SNX19: variants seen among roughly 807,000 people sequenced by gnomAD.
SNX19 encodes the protein sorting nexin 19.
Under a neutral mutation model 85.2 loss-of-function variants are expected in SNX19, and 60 were observed. The ratio of observed to expected loss-of-function variants is 0.70; its 90% confidence interval spans 0.57 to 0.87. The LOEUF is 0.87. Ranked by LOEUF, SNX19 falls within the 40% of genes least tolerant of loss-of-function variation. The pLI is 0.00. For synonymous variants in SNX19, 520 were observed against 470.0 expected, an observed-to-expected ratio of 1.11 and a Z score of -1.38; for missense variants, 1,201 against 1,217.8, an observed-to-expected ratio of 0.99 and a Z score of 0.21.
At chr11:130,880,090 C>T (rs1169481261) in intron 9 of SNX19, among the ~76,000 whole-genome samples, 1 of 152,210 alleles carries the variant, frequency 6.6e-6, no homozygotes, top group Non-Finnish European at 1.5e-5. Flanking sequence ...AAACTGCCTT[C>T]CTGGCCCTCT....
chr11:130,908,732 C>T (rs1210260779), intron 4 of SNX19, among the ~76,000 whole-genome samples: 1 of 152,220 alleles, frequency 6.6e-6, no homozygotes, highest in Non-Finnish European at 1.5e-5. Context: ...AAATAATCCT[C>T]ACTAAAGATT....
At chr11:130,884,810 T>G (rs775213227) in intron 8 of SNX19, among the ~76,000 whole-genome samples, 1 of 142,206 alleles carries the variant, frequency 7.0e-6, no homozygotes, top group Non-Finnish European at 1.5e-5. Flanking sequence ...AGGCAGAGGC[T>G]GCAGTGAGCC....
At position 130,880,630 on chromosome 11, in the gene SNX19, A is replaced by G; in HGVS notation, c.2750T>C (p.Val917Ala). The change falls in exon 9 of 11, where the codon GTC (valine) becomes GCC (alanine). Residue 917 changes from valine to alanine, a missense_variant. This residue lies in a region of SNX19 where 285 missense variants were observed against 295.3 expected (regional missense o/e 0.97). Transcript: ENST00000265909. ...EKQALQSLMG[V>A]LPDLVVEILG... The stretch of plus-strand genomic sequence containing the variant: ...CTCATTGGTCCAATTACCTGGGAGG[A>G]CTCCCATCAGGCTCTGCAAAGCCTG... 1.3e-6 allele frequency: 2 copies of G among 1,589,144 alleles called. No individual in the cohort carries two copies. Among genetic ancestry groups the G allele is most frequent in the Non-Finnish European group, 1.7e-6 (2 of 1,160,932 alleles).
intron 10 of SNX19, among the ~76,000 whole-genome samples, chr11:130,878,951 C>T (rs1943451299): frequency 6.6e-6 from 1 of 152,158 alleles, no homozygotes; most frequent in Non-Finnish European, 1.5e-5. Context: ...TGAGGTAAAG[C>T]CAGGATCCTT....
chr11:130,906,766 T>C (rs1003824370), intron 5 of SNX19, 45 bp from the exon 6 acceptor site: 14 of 1,357,586 alleles, frequency 1.0e-5, no homozygotes, highest in Middle Eastern at 1.8e-4. Context: ...ATTTATGGCC[T>C]TGAGCCTCAC....
At chr11:130,910,177 C>T (rs1222163196) in intron 3 of SNX19, 40 bp from the exon 4 acceptor site, 1 of 1,613,944 alleles carries the variant, frequency 6.2e-7, no homozygotes, top group Admixed American at 1.7e-5. Flanking sequence ...AAGAGAAATT[C>T]CAGTCCCCAA....
chr11:130,872,284 G>A lies in SNX19; in HGVS notation c.*6138C>T, dbSNP rs113328593. On this transcript the variant is annotated 3_prime_UTR_variant, in exon 11 of 11. Transcript: ENST00000265909. ...GGGAGGCAGTGCAAAGGCTCCGCAA[G>A]TCTGAAAATAGCATAGTGTGTCTGC... 4.3e-3 allele frequency among the ~76,000 whole-genome samples: 658 copies of A among 152,278 alleles called. 3 individuals carry two copies. Among genetic ancestry groups the A allele is most frequent in the African/African-American group, 0.015 (627 of 41,558 alleles).
Position 130,905,728 on chromosome 11 carries a change from GAA to G in SNX19, c.2443+223_2443+224del, listed in dbSNP as rs1474843502. Reference sequence around the variant, plus strand: ...AGCATGATCTCATCCTGCTGGATTAGAACTTCCTGTGTTTGTGCCCTGTTCTG... The same window carrying G: ...AGCATGATCTCATCCTGCTGGATTAGCTTCCTGTGTTTGTGCCCTGTTCTG... On this transcript the variant is annotated intron_variant, in intron 7 of 10. Transcript: ENST00000265909. 43 of 1,535,898 alleles carry G rather than the reference GAA, an allele frequency of 2.8e-5. 1 individual carries two copies. The highest frequency in any genetic ancestry group is 3.8e-5 in the Non-Finnish European group (43 of 1,146,622).
chr11:130,893,797 C>A (rs1011273604), intron 8 of SNX19: 2 of 702,216 alleles, frequency 2.8e-6, no homozygotes, highest in African/African-American at 1.7e-5. Flanking sequence ...GCCTCCCTCC[C>A]AGGAAGGCTG....
At chr11:130,886,730 A>G (rs1403566620) in intron 8 of SNX19, among the ~76,000 whole-genome samples, 1 of 152,204 alleles carries the variant, frequency 6.6e-6, no homozygotes, top group Non-Finnish European at 1.5e-5. Context: ...ACACCTGATA[A>G]AAGTTATACT....
Position 130,911,751 on chromosome 11 carries a change from A to G in SNX19, c.1695T>C (p.Gly565=). 6.2e-7 allele frequency: 1 copy of G among 1,614,176 alleles called. No homozygotes were observed. The highest frequency in any genetic ancestry group is 8.5e-7 in the Non-Finnish European group (1 of 1,180,038). The change falls in exon 2 of 11, where the codon GGT becomes GGC. Residue 565 remains glycine (G), a synonymous_variant. Transcript: ENST00000265909. The part of the protein sequence containing the change: ...YTVKYETALD[G]ENSSGLQQLA... ...GCTGCTGCAGGCCGCTGCTGTTTTC[A>G]CCGTCAAGGGCTGTCTCGTACTGTT...
At chr11:130,911,383 GA>G (rs1946111701) in intron 2 of SNX19, 1 of 1,185,700 alleles carries the variant, frequency 8.4e-7, no homozygotes, top group South Asian at 2.2e-5. Context: ...GTGGAAATGT[GA>G]ACACTTATTT....
chr11:130,916,399 TGC>T lies in SNX19; in HGVS notation c.-462_-461del, dbSNP rs1946586911. ...GTCCTCTCCGGGAGCCTCGGCCCTC[TGC>T]CGCCGTAAACCTGGGCGACTGCGCT... On this transcript the variant is annotated 5_prime_UTR_variant, in exon 1 of 11. Transcript: ENST00000265909. 1.3e-5 allele frequency: 2 copies of T among 156,136 alleles called. No homozygotes were observed. Among genetic ancestry groups the T allele is most frequent in the Non-Finnish European group, 2.8e-5 (2 of 70,474 alleles). The allele number at this position is 156,136 out of a possible 1,614,324, so 9.7% of individuals were successfully genotyped here. A position where few individuals can be genotyped will look rare whatever the true frequency, so the allele number is the denominator to read the frequency against.
rs74438160 is a variant in SNX19, at chr11:130,886,034, A to T, written c.2574-5228T>A. On this transcript the variant is annotated intron_variant, in intron 8 of 10. Coordinates refer to ENST00000265909, the MANE Select transcript of SNX19 (RefSeq NM_014758.3). ...TAGATGCTAGTTTTGCCAACCAAAC[A>T]TGTCTCCAAACATTGCGGCATGTCC... Among the ~76,000 whole-genome samples, 1,515 of 152,230 alleles carry T rather than the reference A, an allele frequency of 1.0e-2. 49 individuals are homozygous for T. The highest frequency in any genetic ancestry group is 6.0e-3 in the Non-Finnish European group (405 of 68,014).
intron 8 of SNX19, among the ~76,000 whole-genome samples, chr11:130,894,257 T>C (rs1197248576): frequency 6.6e-6 from 1 of 152,188 alleles, no homozygotes; most frequent in Non-Finnish European, 1.5e-5. Flanking sequence ...ACAGACTCTG[T>C]TCTGCTCACT....
At position 130,911,708 on chromosome 11, in the gene SNX19, T is replaced by C; in HGVS notation, c.1738A>G (p.Asn580Asp). The C allele has an allele frequency of 6.2e-7, 1 of 1,614,222 alleles. No homozygotes were observed. Among genetic ancestry groups the C allele is most frequent in the Non-Finnish European group, 8.5e-7 (1 of 1,180,028 alleles). ...GLQQLAYHTVNRRYREFLNLQ... is the reference protein window; with the variant it reads ...GLQQLAYHTVDRRYREFLNLQ... ...TTCAAGAACTCCCGATAGCGACGAT[T>C]CACAGTGTGGTAGGCCAGCTGCTGC... The change falls in exon 2 of 11, where the codon AAT becomes GAT. Residue 580 changes from asparagine to aspartate, a missense_variant. Physicochemically the swap from Asn to Asp is conservative, Grantham distance 23. Around this residue, in one of 3 missense-constraint regions of SNX19, gnomAD observed 791 missense variants for 750.9 expected, o/e 1.05. Coordinates refer to ENST00000265909, the MANE Select transcript of SNX19 (RefSeq NM_014758.3).
At position 130,916,462 on chromosome 11, in the gene SNX19, C is replaced by A. The variant is rs1255794257; in HGVS notation, c.-523G>T. The A allele has an allele frequency of 2.0e-5, 3 of 152,366 alleles. No individual in the cohort carries two copies. In the East Asian group the frequency reaches 5.8e-4, roughly 30 times the overall value. 9.4% of individuals were successfully genotyped at this position (152,366 alleles called of 1,614,324 possible). A position where few individuals can be genotyped will look rare whatever the true frequency, so the allele number is the denominator to read the frequency against. On this transcript the variant is annotated 5_prime_UTR_variant, in exon 1 of 11. Transcript: ENST00000265909. ...GCCTGTGTGAAGGCTGACCGCCGGC[C>A]GGCCGCCGGCGACAGCTTCCGGGTC...
At position 130,879,589 on chromosome 11, in the gene SNX19, C is replaced by G. The variant is rs1943508796; in HGVS notation, c.2846+35G>C. The G allele has an allele frequency of 2.5e-6, 4 of 1,583,296 alleles. No homozygotes were observed. In the East Asian group the frequency reaches 9.0e-5, roughly 35 times the overall value. ...CCTCTGAGACCAGAGGTGGCTGTAA[C>G]TATGCTGATGTTGGAATAACATTTT... On this transcript the variant is annotated intron_variant, in intron 10 of 10. Coordinates refer to ENST00000265909, the MANE Select transcript of SNX19 (RefSeq NM_014758.3).
At chr11:130,909,538 T>A (rs1163205384) in intron 4 of SNX19, among the ~76,000 whole-genome samples, 2 of 152,192 alleles carry the variant, frequency 1.3e-5, no homozygotes, top group Non-Finnish European at 2.9e-5. Context: ...GGTGCTGAGA[T>A]AACCTCTTGA....
Sources: allele counts gnomAD v4.1 joint callset (sites outside exome capture counted in the v4.1 genomes callset), GRCh38; gene constraint gnomAD v4.1.1; regional missense constraint gnomAD v4.1.1; transcripts MANE v1.5; gene names NCBI Gene and HGNC (gene_info 2026-07-23, HGNC 2026-07-21).